The following POU6F2 variants were observed in gnomAD, a reference collection of about 807,000 sequenced individuals.
The protein encoded by POU6F2 is POU class 6 homeobox 2, also known as POU domain, class 6, transcription factor 2.
A neutral mutation model predicts 71.3 loss-of-function variants in POU6F2; 31 were observed. That is an observed-to-expected ratio of 0.43 (90% confidence interval 0.33 to 0.59). The LOEUF (loss-of-function observed/expected upper bound fraction) is 0.59. Among genes scored for constraint, POU6F2 ranks in the 20% least tolerant of loss-of-function variants. The pLI, the probability that POU6F2 is intolerant of heterozygous loss-of-function variation, is 0.04. For synonymous variants in POU6F2, 347 were observed against 355.7 expected (o/e 0.98, Z 0.27); for missense variants, 783 against 856.8 (o/e 0.91, Z 1.07).
At chr7:39,014,015 G>GA (rs1789405175) in intron 1 of POU6F2, among the ~76,000 whole-genome samples, 1 of 152,134 alleles carries the variant, frequency 6.6e-6, no homozygotes. Context: ...GTTGCAAAAA[G>GA]AAAAACCATA....
chr7:39,402,700 C>T (rs1787331612), intron 5 of POU6F2, among the ~76,000 whole-genome samples: 1 of 152,152 alleles, frequency 6.6e-6, no homozygotes. Context: ...AGATGAAGCC[C>T]TGTTTTAAAT....
chr7:39,340,100 C>G, intron 5 of POU6F2, 85 bp downstream of exon 5: 1 of 299,674 alleles, frequency 3.3e-6, no homozygotes, highest in Non-Finnish European at 4.5e-6. Context: ...GCAGAGGGAC[C>G]ACACAAAACT....
At chr7:39,307,705 T>C (rs895799161) in intron 4 of POU6F2, among the ~76,000 whole-genome samples, 5 of 152,184 alleles carry the variant, frequency 3.3e-5, no homozygotes, top group African/African-American at 1.2e-4. Context: ...AGACCAGGCA[T>C]GGTGACTCCC....
At chr7:39,359,527 A>ATT (rs1414189455) in intron 5 of POU6F2, among the ~76,000 whole-genome samples, 4 of 152,330 alleles carry the variant, frequency 2.6e-5, no homozygotes, top group Non-Finnish European at 1.5e-5. Context: ...ATTTATGGAA[A>ATT]TAGGAAAATT....
intron 2 of POU6F2, among the ~76,000 whole-genome samples, chr7:39,124,516 G>A (rs1185159110): frequency 6.6e-6 from 1 of 152,126 alleles, no homozygotes; most frequent in Non-Finnish European, 1.5e-5. Flanking sequence ...AGCTGTTTTC[G>A]CTTAGGTGAC....
intron 2 of POU6F2, 32 bp from the exon 3 acceptor site, chr7:39,204,203 T>C (rs1287250105): frequency 1.9e-6 from 3 of 1,571,882 alleles, no homozygotes; most frequent in Non-Finnish European, 2.6e-6. Context: ...CTGGATCATA[T>C]ATTAAGGGAG....
intron 1 of POU6F2, among the ~76,000 whole-genome samples, chr7:39,072,427 G>A (rs1790903246): frequency 6.6e-6 from 1 of 152,186 alleles, no homozygotes; most frequent in Non-Finnish European, 1.5e-5. Flanking sequence ...ATTAATGTTA[G>A]CAAGTGGATA....
At chr7:39,342,536 G>A (rs1785940579) in intron 5 of POU6F2, among the ~76,000 whole-genome samples, 1 of 152,098 alleles carries the variant, frequency 6.6e-6, no homozygotes, top group East Asian at 1.9e-4. Context: ...AAATCTGCTG[G>A]AGAGATATTA....
At chr7:39,119,638 A>T (rs1792001724) in intron 2 of POU6F2, among the ~76,000 whole-genome samples, 1 of 152,236 alleles carries the variant, frequency 6.6e-6, no homozygotes, top group South Asian at 2.1e-4. Flanking sequence ...GGGGAACTAA[A>T]GAGTGAGGAA....
chr7:39,194,920 C>G (rs1055975814), intron 2 of POU6F2, among the ~76,000 whole-genome samples: 1 of 152,108 alleles, frequency 6.6e-6, no homozygotes, highest in Non-Finnish European at 1.5e-5. Flanking sequence ...GCCGGCGAGA[C>G]CAAGAACCCA....
chr7:39,269,454 G>C (rs1056260619), intron 4 of POU6F2, among the ~76,000 whole-genome samples: 1 of 152,220 alleles, frequency 6.6e-6, no homozygotes, highest in African/African-American at 2.4e-5. Context: ...ACCCCCACCA[G>C]ATACAGATGG....
chr7:39,007,094 T>G (rs1789095757), intron 1 of POU6F2, among the ~76,000 whole-genome samples: 1 of 152,224 alleles, frequency 6.6e-6, no homozygotes, highest in African/African-American at 2.4e-5. Flanking sequence ...GCATTACAGT[T>G]TGTTTTACTG....
At chr7:39,362,590 A>T (rs1355634572) in intron 5 of POU6F2, among the ~76,000 whole-genome samples, 1 of 152,210 alleles carries the variant, frequency 6.6e-6, no homozygotes, top group African/African-American at 2.4e-5. Context: ...TTGTTCATTT[A>T]TCAACTGTGT....
At chr7:39,225,426 G>GA (rs1562753986) in intron 4 of POU6F2, among the ~76,000 whole-genome samples, 2 of 152,162 alleles carry the variant, frequency 1.3e-5, no homozygotes, top group Non-Finnish European at 2.9e-5. Context: ...AAAAGCACAA[G>GA]ATTACCTTTT....
chr7:39,060,496 C>T (rs1584522430), intron 1 of POU6F2, among the ~76,000 whole-genome samples: 1 of 152,084 alleles, frequency 6.6e-6, no homozygotes, highest in Non-Finnish European at 1.5e-5. Context: ...ATTTTCACTA[C>T]AAAATATGAA....
At position 39,460,732 on chromosome 7, in the gene POU6F2, T is replaced by C; in HGVS notation, c.1658+17T>C. The C allele has an allele frequency of 6.4e-7, 1 of 1,567,778 alleles. No homozygotes were observed. The highest frequency in any genetic ancestry group is 2.3e-5 in the East Asian group (1 of 43,416). ...CATCTGCAGGTAACGCGCGCCTGCA[T>C]GCTGTCACCTCTTCTAGCCGCCCTG... On this transcript the variant is annotated intron_variant, in intron 9 of 9. Coordinates refer to ENST00000518318, the MANE Select transcript of POU6F2 (RefSeq NM_001370959.1). The surrounding 1 kb of genome is among the most constrained non-coding windows in gnomAD (Gnocchi z 4.4).
intron 5 of POU6F2, among the ~76,000 whole-genome samples, chr7:39,363,653 G>A (rs1786439654): frequency 6.7e-6 from 1 of 149,092 alleles, no homozygotes; most frequent in Non-Finnish European, 1.5e-5. Context: ...TGGCCTACGA[G>A]ATTAAGAAGA....
intron 5 of POU6F2, among the ~76,000 whole-genome samples, chr7:39,381,800 G>C (rs1034348211): frequency 1.3e-5 from 2 of 152,146 alleles, no homozygotes; most frequent in Non-Finnish European, 2.9e-5. Flanking sequence ...CCTATAATCA[G>C]TTGATTAGAT....
intron 1 of POU6F2, among the ~76,000 whole-genome samples, chr7:39,029,055 C>T (rs1789882364): frequency 6.6e-6 from 1 of 152,074 alleles, no homozygotes; most frequent in South Asian, 2.1e-4. Context: ...CTCCTGGGCT[C>T]AAAGGGTCTG....
Sources: gnomAD v4.1 joint callset for allele counts (sites outside exome capture counted in the v4.1 genomes callset) on GRCh38, gnomAD v4.1.1 for gene constraint, Gnocchi (gnomAD v3.1) non-coding constraint, MANE v1.5 for transcripts, NCBI Gene and HGNC (gene_info 2026-07-23, HGNC 2026-07-21) for gene names.